SESN3: variants seen among roughly 807,000 people sequenced by gnomAD.
SESN3 encodes the protein sestrin-3.
SESN3 carries 21 observed loss-of-function variants against 55.3 expected under a neutral mutation model. The ratio of observed to expected loss-of-function variants is 0.38; its 90% CI spans 0.27 to 0.55. The LOEUF is 0.55. Ranked by LOEUF, SESN3 falls within the 20% of genes least tolerant of loss-of-function variation. The pLI, the probability that SESN3 is intolerant of heterozygous loss-of-function variation, is 0.76. For synonymous variants in SESN3, 181 were observed against 203.1 expected, an observed-to-expected ratio of 0.89 and a Z score of 0.93; for missense variants, 408 against 604.3, an observed-to-expected ratio of 0.68 and a Z score of 3.41.
At position 95,231,086 on chromosome 11, in the gene SESN3, C is replaced by A; in HGVS notation, c.-226G>T. 1 of 416,864 alleles carries A rather than the reference C, an allele frequency of 2.4e-6. No homozygotes were observed. The highest frequency in any genetic ancestry group is 8.2e-5 in the South Asian group (1 of 12,198). 25.8% of individuals were successfully genotyped at this position (416,864 alleles called of 1,614,324 possible). A position where few individuals can be genotyped will look rare whatever the true frequency, so the allele number is the denominator to read the frequency against. Reference sequence around the variant, plus strand: ...GACGGCGGAGACGGCGGCGGCTGCTCCTCACCGGCCCGTTGTTCCACCCGC... The same window carrying A: ...GACGGCGGAGACGGCGGCGGCTGCTACTCACCGGCCCGTTGTTCCACCCGC... On this transcript the variant is annotated 5_prime_UTR_variant, in exon 1 of 10. Coordinates refer to ENST00000536441, the MANE Select transcript of SESN3 (RefSeq NM_144665.4).
rs1260945571 is a variant in SESN3, at chr11:95,175,502, T to G, written c.1388A>C (p.Glu463Ala). Residue 463 changes from glutamate to alanine, a missense_variant, in exon 9 of 10, where the codon GAA becomes GCA. Physicochemically the swap from Glu to Ala is moderately radical, Grantham distance 107 (BLOSUM62 -1). Transcript: ENST00000536441. Reference protein sequence around the residue: ...DSYWRQFKHSEKVHVNLLLME... With the variant: ...DSYWRQFKHSAKVHVNLLLME... ...GCTTAATACTGAAACACGTACTTTTTCTGAGTGTTTGAACTGCCGCCAGTA... is the reference window on the plus strand; with the variant it reads ...GCTTAATACTGAAACACGTACTTTTGCTGAGTGTTTGAACTGCCGCCAGTA... The G allele has an allele frequency of 6.2e-7, 1 of 1,613,590 alleles. No individual in the cohort carries two copies. The highest frequency in any genetic ancestry group is 8.5e-7 in the Non-Finnish European group (1 of 1,179,580).
chr11:95,221,128 C>A (rs192897903), intron 1 of SESN3, among the ~76,000 whole-genome samples: 2 of 152,160 alleles, frequency 1.3e-5, no homozygotes, highest in African/African-American at 4.8e-5. Context: ...CATGGTGAAA[C>A]CCCGTCTCTA....
chr11:95,173,459 A>G, intron 9 of SESN3, 118 bp from the exon 10 acceptor site: 1 of 493,336 alleles, frequency 2.0e-6, no homozygotes, highest in South Asian at 4.5e-5. Context: ...ACACACACCT[A>G]GGCATATTTA....
intron 1 of SESN3, among the ~76,000 whole-genome samples, chr11:95,199,069 CACTA>C (rs1362687545): frequency 2.0e-5 from 3 of 151,870 alleles, no homozygotes; most frequent in Admixed American, 6.6e-5. Context: ...ACTTTGAAAT[CACTA>C]ACTAAAAAGA....
chr11:95,211,573 C>T (rs1860655872), intron 1 of SESN3, among the ~76,000 whole-genome samples: 1 of 152,172 alleles, frequency 6.6e-6, no homozygotes, highest in South Asian at 2.1e-4. Flanking sequence ...TGAGACCAGC[C>T]TGGCCAATAT....
At chr11:95,175,713 A>G in intron 8 of SESN3, 71 bp from the exon 9 acceptor site, 1 of 1,253,812 alleles carries the variant, frequency 8.0e-7, no homozygotes, top group Non-Finnish European at 1.1e-6. Flanking sequence ...TATACTAAGG[A>G]CATTTATTGT....
chr11:95,194,376 A>G (rs892007299), intron 1 of SESN3, among the ~76,000 whole-genome samples: 1 of 152,098 alleles, frequency 6.6e-6, no homozygotes, highest in Non-Finnish European at 1.5e-5. Context: ...CTTCATTAGG[A>G]ACCAGTTACA....
At chr11:95,188,534 C>CA (rs1386743891) in intron 4 of SESN3, among the ~76,000 whole-genome samples, 1 of 151,742 alleles carries the variant, frequency 6.6e-6, no homozygotes, top group African/African-American at 2.4e-5. Flanking sequence ...TCCCAGTTCC[C>CA]ACCTTACATA....
rs767772445 is a variant in SESN3 at position 95,173,315 on chromosome 11, T to A, written c.1419A>T (p.Glu473Asp). 1.3e-6 allele frequency: 2 copies of A among 1,599,072 alleles called. No individual in the cohort carries two copies. The highest frequency in any genetic ancestry group is 2.7e-5 in the African/African-American group (2 of 74,774). The stretch of plus-strand genomic sequence containing the variant: ...AAAGAAGTTCAGCTTGCATTCGTGC[T>A]TCCATTAAAAGTAGATTGACATGAA... The part of the protein sequence containing the change: ...EKVHVNLLLM[E>D]ARMQAELLYA... Residue 473 changes from glutamate to aspartate, a missense_variant, in exon 10 of 10, where the codon GAA (glutamate) becomes GAT (aspartate). Coordinates refer to ENST00000536441, the MANE Select transcript of SESN3 (RefSeq NM_144665.4).
At chr11:95,213,804 T>A (rs1160500749) in intron 1 of SESN3, among the ~76,000 whole-genome samples, 2 of 152,200 alleles carry the variant, frequency 1.3e-5, no homozygotes, top group African/African-American at 4.8e-5. Flanking sequence ...TTCTCAGGCA[T>A]GGACCCAATC....
intron 4 of SESN3, among the ~76,000 whole-genome samples, chr11:95,189,235 T>C (rs629508): frequency 0.3 from 44,861 of 151,742 alleles, 7,636 homozygotes; most frequent in Non-Finnish European, 0.36. Context: ...GAAATACAAG[T>C]GCTCTTAGTC....
intron 1 of SESN3, among the ~76,000 whole-genome samples, chr11:95,194,975 T>C (rs1860334362): frequency 6.6e-6 from 1 of 152,076 alleles, no homozygotes; most frequent in Non-Finnish European, 1.5e-5. Flanking sequence ...AAAAGCAATT[T>C]TCTGGACAAC....
intron 1 of SESN3, among the ~76,000 whole-genome samples, chr11:95,196,949 G>A (rs1358779919): frequency 6.6e-6 from 1 of 152,152 alleles, no homozygotes; most frequent in Non-Finnish European, 1.5e-5. Context: ...TGTAATTGCA[G>A]AAATGCTCTG....
At chr11:95,192,367 C>T (rs1490793042) in intron 2 of SESN3, among the ~76,000 whole-genome samples, 1 of 152,060 alleles carries the variant, frequency 6.6e-6, no homozygotes, top group African/African-American at 2.4e-5. Context: ...TAGAAAGACT[C>T]AACCCTGTGG....
At chr11:95,218,874 G>A (rs922198487) in intron 1 of SESN3, among the ~76,000 whole-genome samples, 2 of 152,008 alleles carry the variant, frequency 1.3e-5, no homozygotes, top group Non-Finnish European at 2.9e-5. Flanking sequence ...GGATGGTCTC[G>A]TTCTCCTGAC....
At chr11:95,207,822 G>GT (rs1254649001) in intron 1 of SESN3, among the ~76,000 whole-genome samples, 23 of 149,804 alleles carry the variant, frequency 1.5e-4, no homozygotes, top group African/African-American at 2.2e-4. Context: ...TATACTATAT[G>GT]TTTTTTTTGT....
chr11:95,225,748 G>C (rs1015138150), intron 1 of SESN3, among the ~76,000 whole-genome samples: 1 of 152,050 alleles, frequency 6.6e-6, no homozygotes, highest in East Asian at 1.9e-4. Context: ...AAATGAAAAG[G>C]CTGAAGAGAT....
chr11:95,222,056 C>G (rs1179981560), intron 1 of SESN3, among the ~76,000 whole-genome samples: 1 of 151,978 alleles, frequency 6.6e-6, no homozygotes, highest in Non-Finnish European at 1.5e-5. Flanking sequence ...AACTGGAACC[C>G]TAGGCTCACC....
At chr11:95,227,068 T>C (rs1178583217) in intron 1 of SESN3, among the ~76,000 whole-genome samples, 4 of 152,124 alleles carry the variant, frequency 2.6e-5, no homozygotes, top group East Asian at 3.8e-4. Context: ...ATAATGTAAC[T>C]AGTGGTCCAC....
Sources: gnomAD v4.1 joint callset for allele counts (sites outside exome capture counted in the v4.1 genomes callset) on GRCh38, gnomAD v4.1.1 for gene constraint, MANE v1.5 for transcripts, NCBI Gene and HGNC (gene_info 2026-07-23, HGNC 2026-07-21) for gene names.